Variants in CCDC158 observed in about 807,000 individuals in gnomAD.
CCDC158 encodes the protein coiled-coil domain containing 158, also known as coiled-coil domain-containing protein 158.
In CCDC158, 116 loss-of-function variants were observed where a neutral mutation model predicts 138.6. That is an observed-to-expected ratio of 0.84 (90% CI 0.72 to 0.98). CCDC158 has a LOEUF of 0.98. Among genes scored for constraint, CCDC158 ranks in the 50% least tolerant of loss-of-function variants. The pLI, the probability that CCDC158 is intolerant of heterozygous loss-of-function variation, is 0.00. For missense variants in CCDC158, 1,265 were observed against 1,306.1 expected (o/e 0.97, Z 0.48); for synonymous variants, 436 against 442.4 (o/e 0.99, Z 0.18).
intron 9 of CCDC158, among the ~76,000 whole-genome samples, chr4:76,374,722 A>G (rs1725558466): frequency 6.6e-6 from 1 of 152,120 alleles, no homozygotes; most frequent in Admixed American, 6.6e-5. Flanking sequence ...GGCATAAACC[A>G]TTTCTATCCT....
In CCDC158 at chr4:76,396,330, A is replaced by G. The variant is rs2109832639; in HGVS notation, c.227T>C (p.Phe76Ser). The G allele has an allele frequency of 6.2e-7, 1 of 1,614,018 alleles. No homozygotes were observed. The stretch of plus-strand genomic sequence containing the variant: ...TGAATATTCTTCCAAAACACGTTCA[A>G]AGTGTTCCTTTCCAGGAGATGGGAT... ...KIIPSPGKEH[F>S]ERVLEEYSHQ... Residue 76 changes from phenylalanine (F) to serine (S), a missense_variant, in exon 4 of 25, where the codon TTT becomes TCT. Physicochemically the swap from Phe to Ser is radical, Grantham distance 155. Coordinates refer to ENST00000682701, the MANE Select transcript of CCDC158 (RefSeq NM_001394954.1).
At position 76,362,279 on chromosome 4, in the gene CCDC158, G is replaced by A. The variant is rs1724220748; in HGVS notation, c.1867C>T (p.Leu623Phe). The change falls in exon 13 of 25, where the codon CTT becomes TTT. Residue 623 changes from leucine (L) to phenylalanine (F), a missense_variant. Transcript: ENST00000682701. ...TCCAAGTCACTCACTCTGGCCTCAA[G>A]CTCCCGGATCTTTGCATCTTTTTTA... ...KDKKDAKIRE[L>F]EARVSDLELE... 1.9e-6 allele frequency: 3 copies of A among 1,613,800 alleles called. No individual in the cohort carries two copies. The highest frequency in any genetic ancestry group is 8.5e-7 in the Non-Finnish European group (1 of 1,179,906).
At chr4:76,320,062 G>T (rs1224983028) in intron 24 of CCDC158, among the ~76,000 whole-genome samples, 1 of 152,048 alleles carries the variant, frequency 6.6e-6, no homozygotes, top group Non-Finnish European at 1.5e-5. Flanking sequence ...CATCCACAAA[G>T]CTCCTAGATC....
chr4:76,372,507 G>C (rs146678537), intron 9 of CCDC158, among the ~76,000 whole-genome samples: 80 of 152,294 alleles, frequency 5.3e-4, no homozygotes, highest in African/African-American at 1.8e-3. Context: ...GAACTGTATT[G>C]TACTTAGAAG....
intron 4 of CCDC158, among the ~76,000 whole-genome samples, chr4:76,388,507 G>T (rs1267564371): frequency 6.6e-6 from 1 of 152,190 alleles, no homozygotes; most frequent in Non-Finnish European, 1.5e-5. Context: ...CTCTGCCTTT[G>T]GAAAGGGGAG....
Position 76,384,150 on chromosome 4 carries a change from T to C in CCDC158, c.664A>G (p.Ile222Val). 6.2e-7 allele frequency: 1 copy of C among 1,614,054 alleles called. No individual in the cohort carries two copies. Among genetic ancestry groups the C allele is most frequent in the Non-Finnish European group, 8.5e-7 (1 of 1,179,968 alleles). Residue 222 changes from isoleucine (I) to valine (V), a missense_variant, in exon 6 of 25, where the codon ATT (isoleucine) becomes GTT (valine). Coordinates refer to ENST00000682701, the MANE Select transcript of CCDC158 (RefSeq NM_001394954.1). ...TLHFRSLGSA[I>V]SKILRELDTE... ...TCTAATTCTCTTAGTATTTTACTAA[T>C]AGCTGAGCCCAAGCTGCGGAAGTGC...
intron 12 of CCDC158, among the ~76,000 whole-genome samples, chr4:76,363,707 G>C (rs2110221071): frequency 6.6e-6 from 1 of 152,266 alleles, no homozygotes; most frequent in East Asian, 1.9e-4. Context: ...GATGAAGTCA[G>C]AGAGGGGCCA....
intron 12 of CCDC158, among the ~76,000 whole-genome samples, chr4:76,364,657 A>T (rs1369812951): frequency 6.6e-6 from 1 of 152,230 alleles, no homozygotes; most frequent in Non-Finnish European, 1.5e-5. Context: ...TTTCTGGTGG[A>T]CAGAACTGAC....
At chr4:76,388,759 T>C (rs1425899810) in intron 4 of CCDC158, among the ~76,000 whole-genome samples, 2 of 151,994 alleles carry the variant, frequency 1.3e-5, no homozygotes, top group African/African-American at 4.8e-5. Context: ...ACAGGAGTGC[T>C]TGCATAACCA....
intron 18 of CCDC158, chr4:76,345,266 C>A: frequency 1.1e-6 from 1 of 941,054 alleles, no homozygotes. Flanking sequence ...TCCAACGATA[C>A]TACATGCTCA....
At chr4:76,374,351 A>G (rs923461212) in intron 9 of CCDC158, among the ~76,000 whole-genome samples, 62 of 152,354 alleles carry the variant, frequency 4.1e-4, no homozygotes, top group African/African-American at 1.3e-3. Context: ...TAGTAAATAC[A>G]GTAAGGGGAA....
intron 11 of CCDC158, 90 bp downstream of exon 11, chr4:76,369,336 G>T: frequency 7.7e-7 from 1 of 1,290,636 alleles, no homozygotes; most frequent in Non-Finnish European, 1.0e-6. Flanking sequence ...GTCCATATAT[G>T]TTAAAAATAA....
At chr4:76,331,097 C>T (rs1340761948) in intron 21 of CCDC158, among the ~76,000 whole-genome samples, 12 of 152,018 alleles carry the variant, frequency 7.9e-5, no homozygotes, top group Admixed American at 7.2e-4. Context: ...ATAGAGGGCT[C>T]GGATATCTCT....
chr4:76,324,685 T>C (rs1720362111), intron 23 of CCDC158, among the ~76,000 whole-genome samples: 1 of 152,158 alleles, frequency 6.6e-6, no homozygotes, highest in Non-Finnish European at 1.5e-5. Context: ...CCATCTTGGA[T>C]GCTAATCTGC....
rs1724779879 is a variant in CCDC158 at position 76,367,367 on chromosome 4, C to T, written c.1757G>A (p.Gly586Glu). 6.2e-7 allele frequency: 1 copy of T among 1,614,210 alleles called. No homozygotes were observed. The highest frequency in any genetic ancestry group is 8.5e-7 in the Non-Finnish European group (1 of 1,180,046). The change falls in exon 12 of 25, where the codon GGA becomes GAA. Residue 586 changes from glycine to glutamate, a missense_variant. Gly to Glu is a moderately conservative substitution (Grantham distance 98). Coordinates refer to ENST00000682701, the MANE Select transcript of CCDC158 (RefSeq NM_001394954.1). Reference protein sequence around the residue: ...QLVGQHGRTAGAMQVEKAQLE... With the variant: ...QLVGQHGRTAEAMQVEKAQLE... ...TTGAGCTTTTTCTACTTGCATAGCT[C>T]CAGCAGTTCGTCCATGCTGGCCCAC...
intron 24 of CCDC158, among the ~76,000 whole-genome samples, chr4:76,320,660 C>T (rs907660305): frequency 1.3e-5 from 2 of 151,960 alleles, no homozygotes; most frequent in South Asian, 4.1e-4. Flanking sequence ...CACTGATCTT[C>T]GACAATGCAA....
At chr4:76,314,297 G>A (rs1442586819) in intron 24 of CCDC158, among the ~76,000 whole-genome samples, 2 of 152,198 alleles carry the variant, frequency 1.3e-5, no homozygotes. Context: ...CATGGTGTGA[G>A]TAAAAATAGG....
chr4:76,383,326 C>T (rs559429838), intron 7 of CCDC158, among the ~76,000 whole-genome samples: 1 of 152,254 alleles, frequency 6.6e-6, no homozygotes, highest in East Asian at 1.9e-4. Context: ...AATCCCCCTA[C>T]TCTTGATGCC....
At chr4:76,348,132 A>C (rs1189299917) in intron 18 of CCDC158, among the ~76,000 whole-genome samples, 4 of 151,946 alleles carry the variant, frequency 2.6e-5, no homozygotes, top group Admixed American at 6.6e-5. Flanking sequence ...TGTTTTATAA[A>C]AGGGCACTAA....
Sources: gnomAD v4.1 joint callset for allele counts (sites outside exome capture counted in the v4.1 genomes callset) on GRCh38, gnomAD v4.1.1 for gene constraint, MANE v1.5 for transcripts, NCBI Gene and HGNC (gene_info 2026-07-23, HGNC 2026-07-21) for gene names.